Variants in LINGO2 observed in about 807,000 individuals in gnomAD.
The protein encoded by LINGO2 is leucine-rich repeat and immunoglobulin-like domain-containing nogo receptor-interacting protein 2.
A neutral mutation model predicts 30.6 loss-of-function variants in LINGO2; 14 were observed. The ratio of observed to expected loss-of-function variants is 0.46; its 90% CI spans 0.30 to 0.72. The LOEUF is 0.72. Among genes scored for constraint, LINGO2 ranks in the 30% least tolerant of loss-of-function variants. The pLI, the probability that LINGO2 is intolerant of heterozygous loss-of-function variation, is 0.07. For synonymous variants in LINGO2, 317 were observed against 288.5 expected, an observed-to-expected ratio of 1.10 and a Z score of -1.00; for missense variants, 729 against 751.7, an observed-to-expected ratio of 0.97 and a Z score of 0.35.
At chr9:28,571,965 A>G (rs543365127) in intron 1 of LINGO2, among the ~76,000 whole-genome samples, 117 of 152,174 alleles carry the variant, frequency 7.7e-4, no homozygotes, top group Middle Eastern at 3.4e-3. Context: ...AGAGTATAAC[A>G]TGAGGCTTCA....
At chr9:28,001,298 C>CA (rs1821939334) in intron 5 of LINGO2, among the ~76,000 whole-genome samples, 1 of 152,200 alleles carries the variant, frequency 6.6e-6, no homozygotes, top group South Asian at 2.1e-4. Context: ...CACTTTCACA[C>CA]AACCTCCAGG....
At chr9:28,912,164 C>G in the LINGO2 span, among the ~76,000 whole-genome samples, 9 of 151,904 alleles carry the variant, frequency 5.9e-5, no homozygotes, top group African/African-American at 2.2e-4. Context: ...AACTCCAGAT[C>G]GTTATAATTG....
chr9:28,426,735 T>C (rs1400951218), intron 2 of LINGO2, among the ~76,000 whole-genome samples: 1 of 152,082 alleles, frequency 6.6e-6, no homozygotes, highest in Non-Finnish European at 1.5e-5. Flanking sequence ...AGATATAGTC[T>C]AAGGTTGTTT....
the LINGO2 span, among the ~76,000 whole-genome samples, chr9:28,709,376 A>C: frequency 6.6e-6 from 1 of 152,072 alleles, no homozygotes; most frequent in East Asian, 1.9e-4. Context: ...ATCCAATCCA[A>C]TGTTAAATGA....
At chr9:29,098,870 A>G in the LINGO2 span, among the ~76,000 whole-genome samples, 1 of 152,170 alleles carries the variant, frequency 6.6e-6, no homozygotes, top group African/African-American at 2.4e-5. Flanking sequence ...AGCAACTGAA[A>G]GAAAAAAAAT....
At chr9:28,143,557 TAGAG>T (rs938615968) in intron 4 of LINGO2, among the ~76,000 whole-genome samples, 1 of 151,930 alleles carries the variant, frequency 6.6e-6, no homozygotes, top group Non-Finnish European at 1.5e-5. Flanking sequence ...GTTAAGAAAA[TAGAG>T]AGATGAACTA....
the LINGO2 span, among the ~76,000 whole-genome samples, chr9:28,814,374 T>C: frequency 1.3e-4 from 20 of 151,360 alleles, no homozygotes; most frequent in African/African-American, 4.1e-4. Flanking sequence ...GAGGCGGAGA[T>C]TGCAGTGAGC....
chr9:28,663,178 G>A (rs1456205884), intron 1 of LINGO2, among the ~76,000 whole-genome samples: 1 of 151,706 alleles, frequency 6.6e-6, no homozygotes, highest in African/African-American at 2.4e-5. Flanking sequence ...TTTTTTTGTT[G>A]TTGTTGGTGG....
At chr9:29,097,242 T>C in the LINGO2 span, among the ~76,000 whole-genome samples, 2 of 138,932 alleles carry the variant, frequency 1.4e-5, no homozygotes, top group Non-Finnish European at 3.1e-5. Flanking sequence ...TCTCACCATT[T>C]ATAAGCAAAA....
At chr9:28,422,094 G>C (rs558790173) in intron 2 of LINGO2, among the ~76,000 whole-genome samples, 1 of 151,964 alleles carries the variant, frequency 6.6e-6, no homozygotes, top group Non-Finnish European at 1.5e-5. Context: ...CAGGACATGG[G>C]ATTTGGCAAT....
chr9:28,503,520 T>G (rs1819978513), intron 1 of LINGO2, among the ~76,000 whole-genome samples: 1 of 152,034 alleles, frequency 6.6e-6, no homozygotes, highest in Admixed American at 6.6e-5. Context: ...CTTCTTTTAT[T>G]ATTGCTGTCA....
the LINGO2 span, among the ~76,000 whole-genome samples, chr9:28,919,017 C>T: frequency 3.9e-5 from 6 of 152,156 alleles, no homozygotes; most frequent in Non-Finnish European, 7.3e-5. Context: ...GAGGCTTCAG[C>T]TTCAATCCGT....
chr9:29,179,158 A>AATATATAT, the LINGO2 span, among the ~76,000 whole-genome samples: 192 of 101,574 alleles, frequency 1.9e-3, 3 homozygotes, highest in African/African-American at 5.6e-3. Flanking sequence ...TCTTACTGTA[A>AATATATAT]ATATATATAT....
At chr9:28,283,018 C>T (rs562925698) in intron 4 of LINGO2, among the ~76,000 whole-genome samples, 2 of 152,234 alleles carry the variant, frequency 1.3e-5, no homozygotes, top group African/African-American at 4.8e-5. Flanking sequence ...CATAAATTAA[C>T]ATACTTGCAA....
intron 5 of LINGO2, among the ~76,000 whole-genome samples, chr9:27,968,195 G>A (rs1820190232): frequency 6.6e-6 from 1 of 152,040 alleles, no homozygotes; most frequent in African/African-American, 2.4e-5. Flanking sequence ...AGGAAACTCT[G>A]TCCAGTAAAC....
chr9:28,252,035 T>A (rs891650810), intron 4 of LINGO2, among the ~76,000 whole-genome samples: 1 of 152,174 alleles, frequency 6.6e-6, no homozygotes, highest in Admixed American at 6.5e-5. Context: ...GTTTCTCTAT[T>A]TTCTATAAAA....
intron 4 of LINGO2, among the ~76,000 whole-genome samples, chr9:28,128,010 G>T (rs922186871): frequency 2.6e-5 from 4 of 152,108 alleles, no homozygotes; most frequent in African/African-American, 9.7e-5. Context: ...AAAAATCAAA[G>T]CAGTTATTTT....
chr9:28,770,663 C>T, the LINGO2 span, among the ~76,000 whole-genome samples: 1 of 152,104 alleles, frequency 6.6e-6, no homozygotes, highest in Admixed American at 6.6e-5. Context: ...AGAAAATTCT[C>T]TATAAACTAT....
the LINGO2 span, among the ~76,000 whole-genome samples, chr9:28,934,512 G>C: frequency 2.0e-5 from 3 of 152,182 alleles, no homozygotes; most frequent in African/African-American, 7.2e-5. Context: ...ACAATTTCAT[G>C]CTGAGTATGA....
Sources: gnomAD v4.1 joint callset for allele counts (sites outside exome capture counted in the v4.1 genomes callset) on GRCh38, gnomAD v4.1.1 for gene constraint, MANE v1.5 for transcripts, NCBI Gene and HGNC (gene_info 2026-07-23, HGNC 2026-07-21) for gene names.